The following PACS2 variants were observed in gnomAD, a reference collection of about 807,000 sequenced individuals.
PACS2 encodes the protein PACS1-like protein.
A neutral mutation model predicts 113.0 loss-of-function variants in PACS2; 36 were observed. The observed-to-expected ratio is 0.32, with a 90% confidence interval of 0.24 to 0.42. The LOEUF is 0.42. Among genes scored for constraint, PACS2 ranks in the 10% least tolerant of loss-of-function variants. The pLI is 1.00. For synonymous variants in PACS2, 589 were observed against 536.1 expected (o/e 1.10, Z -1.36); for missense variants, 1,015 against 1,239.5 (o/e 0.82, Z 2.72).
rs150226195 is a variant in PACS2, at chr14:105,308,339, A to T, written c.-83+7360A>T. Among the ~76,000 whole-genome samples, 13 of 151,968 alleles carry T rather than the reference A, an allele frequency of 8.6e-5. No individual in the cohort carries two copies. The East Asian group carries it at 2.3e-3, about 27-fold the overall frequency. ...TCTAACAAAAATACAAAAATTAGCC[A>T]GGTGTGGTGGTACATGCCTGTGGTC... On this transcript the variant is annotated intron_variant, in intron 1 of 23. Transcript: ENST00000430725.
rs756086541 is a variant in PACS2, at chr14:105,315,989, C to G, written c.119+952C>G. Among the ~76,000 whole-genome samples the G allele has an allele frequency of 6.6e-6, 1 of 152,214 alleles. No individual in the cohort carries two copies. Among genetic ancestry groups the G allele is most frequent in the East Asian group, 1.9e-4 (1 of 5,198 alleles). ...GCCAGTATGCCTGGAGGGGACCCCACGTGGCATTGAGTTGTTCCACCCCTA... is the reference window on the plus strand; with the variant it reads ...GCCAGTATGCCTGGAGGGGACCCCAGGTGGCATTGAGTTGTTCCACCCCTA... On this transcript the variant is annotated intron_variant, in intron 1 of 24. Coordinates refer to ENST00000447393, the MANE Select transcript of PACS2 (RefSeq NM_001100913.3). This position sits in a 1 kb window ranked among gnomAD's most constrained non-coding sequence, Gnocchi z 4.4.
intron 22 of PACS2, chr14:105,392,216 C>T: frequency 3.1e-6 from 1 of 326,852 alleles, no homozygotes; most frequent in Non-Finnish European, 5.7e-6. Context: ...GCCCTGAGGC[C>T]AGGCGTGGTG....
At position 105,355,883 on chromosome 14, in the gene PACS2, G is replaced by A. The variant is rs1555405254; in HGVS notation, c.423+706G>A. ...GCTGCAAGATTGGCTCTGGGAGAAGGGGCAGCCCAGGGCCCCAGACCAGTT... is the reference window on the plus strand; with the variant it reads ...GCTGCAAGATTGGCTCTGGGAGAAGAGGCAGCCCAGGGCCCCAGACCAGTT... On this transcript the variant is annotated intron_variant, in intron 4 of 24. Transcript: ENST00000447393. This position sits in a 1 kb window ranked among gnomAD's most constrained non-coding sequence, Gnocchi z 4.1. Among the ~76,000 whole-genome samples the A allele has an allele frequency of 1.3e-5, 2 of 152,146 alleles. No individual in the cohort carries two copies. Among genetic ancestry groups the A allele is most frequent in the Non-Finnish European group, 2.9e-5 (2 of 68,008 alleles).
chr14:105,336,836 A>G (rs2059540995), intron 1 of PACS2, among the ~76,000 whole-genome samples: 1 of 152,148 alleles, frequency 6.6e-6, no homozygotes, highest in Admixed American at 6.5e-5. Context: ...GGGAAATGAG[A>G]CAGAGTTACC....
intron 5 of PACS2, among the ~76,000 whole-genome samples, 157 bp from the exon 6 acceptor site, chr14:105,367,917 C>T (rs1460070528): frequency 1.3e-5 from 2 of 152,192 alleles, no homozygotes; most frequent in Non-Finnish European, 2.9e-5. Context: ...CTCGGGGGCT[C>T]GGGGCCACGG....
intron 14 of PACS2, 103 bp from the exon 15 acceptor site, chr14:105,382,704 G>A (rs1555412367): frequency 3.2e-6 from 3 of 943,660 alleles, no homozygotes; most frequent in African/African-American, 1.6e-5. Flanking sequence ...TTGCCTGGAC[G>A]TGCCTGGGGT....
chr14:105,364,973 C>T (rs1342062332), intron 4 of PACS2, among the ~76,000 whole-genome samples: 2 of 152,218 alleles, frequency 1.3e-5, no homozygotes, highest in African/African-American at 4.8e-5. Context: ...GTTAGGATTA[C>T]AGGCGTGAAC....
chr14:105,316,288 G>A (rs1282517279), intron 1 of PACS2, among the ~76,000 whole-genome samples: 1 of 152,368 alleles, frequency 6.6e-6, no homozygotes, highest in Non-Finnish European at 1.5e-5. Flanking sequence ...CACTGCAGAT[G>A]TGCCTGCTTG....
At position 105,315,084 on chromosome 14, in the gene PACS2, G is replaced by A; in HGVS notation, c.119+47G>A. 2 of 1,072,622 alleles carry A rather than the reference G, an allele frequency of 1.9e-6. No individual in the cohort carries two copies. The highest frequency in any genetic ancestry group is 3.3e-5 in the South Asian group (1 of 30,344). 66.4% of individuals were successfully genotyped at this position (1,072,622 alleles called of 1,614,324 possible). A position where few individuals can be genotyped will look rare whatever the true frequency, so the allele number is the denominator to read the frequency against. On this transcript the variant is annotated intron_variant, in intron 1 of 24. Transcript: ENST00000447393. The surrounding 1 kb of genome is among the most constrained non-coding windows in gnomAD (Gnocchi z 4.4). Reference sequence around the variant, plus strand: ...TTGTTCCCGCCGGGCACCTGCTGGGGGTGTCCTGGCCGCGGCCTCTGCGCG... The same window carrying A: ...TTGTTCCCGCCGGGCACCTGCTGGGAGTGTCCTGGCCGCGGCCTCTGCGCG...
intron 20 of PACS2, 82 bp from the exon 21 acceptor site, chr14:105,391,125 G>A: frequency 9.6e-7 from 1 of 1,043,706 alleles, no homozygotes; most frequent in Non-Finnish European, 1.5e-6. Flanking sequence ...TGGCCACGGT[G>A]GGGAGGCGGG....
intron 1 of PACS2, among the ~76,000 whole-genome samples, chr14:105,334,128 C>G (rs587642842): frequency 6.6e-6 from 1 of 152,228 alleles, no homozygotes; most frequent in African/African-American, 2.4e-5. Context: ...CTTGGCGTGA[C>G]TGCCCACAGG....
At chr14:105,391,174 G>T (rs371828886) in intron 20 of PACS2, 33 bp from the exon 21 acceptor site, 32 of 1,589,184 alleles carry the variant, frequency 2.0e-5, no homozygotes, top group Non-Finnish European at 2.7e-5. Flanking sequence ...TGAATTGCAC[G>T]GCTTTCACCA....
intron 7 of PACS2, among the ~76,000 whole-genome samples, chr14:105,369,206 G>C (rs1470348315): frequency 6.6e-6 from 1 of 152,246 alleles, no homozygotes; most frequent in South Asian, 2.1e-4. Flanking sequence ...CCAGGGACGG[G>C]CAAGCTGCTC....
Position 105,376,319 on chromosome 14 carries a change from C to T in PACS2, c.802-449C>T, listed in dbSNP as rs949064348. ...CACATGATTCCTTTTGGGTAGCACT[C>T]GGGAAAGGGCAGAATGTACAGGAAC... On this transcript the variant is annotated intron_variant, in intron 8 of 24. Transcript: ENST00000447393. This position sits in a 1 kb window ranked among gnomAD's most constrained non-coding sequence, Gnocchi z 4.7. Among the ~76,000 whole-genome samples the T allele has an allele frequency of 4.6e-5, 7 of 151,762 alleles. No homozygotes were observed. Among genetic ancestry groups the T allele is most frequent in the African/African-American group, 1.7e-4 (7 of 41,242 alleles).
At chr14:105,314,018 C>T (rs2058434340), upstream of PACS2, among the ~76,000 whole-genome samples, 1 of 152,272 alleles carries the variant, frequency 6.6e-6, no homozygotes, top group South Asian at 2.1e-4. Flanking sequence ...AAAAGCGGCG[C>T]TGAATAAGGA....
rs782081321 is a variant in PACS2, at chr14:105,376,779, G to T, written c.813G>T (p.Ser271=). The T allele has an allele frequency of 2.5e-6, 4 of 1,612,574 alleles. No individual in the cohort carries two copies. Among genetic ancestry groups the T allele is most frequent in the African/African-American group, 1.3e-5 (1 of 74,896 alleles). The part of the protein sequence containing the change: ...RFKVSDEVLD[S]EQDPAEHIPE... ...TGGCACCCGTGCAGGTCCTGGACTC[G>T]GAGCAGGACCCTGCGGAGCACATCC... is the stretch of plus-strand genomic sequence containing the variant. The change falls in exon 9 of 25, where the codon TCG becomes TCT. Residue 271 remains serine, a synonymous_variant. Coordinates refer to ENST00000447393, the MANE Select transcript of PACS2 (RefSeq NM_001100913.3). The surrounding 1 kb of genome is among the most constrained non-coding windows in gnomAD (Gnocchi z 4.7).
chr14:105,345,963 A>T (rs902855878), intron 1 of PACS2, among the ~76,000 whole-genome samples: 2 of 152,200 alleles, frequency 1.3e-5, no homozygotes, highest in African/African-American at 4.8e-5. Context: ...ACTCTGACTT[A>T]ATGCCTGACT....
intron 1 of PACS2, among the ~76,000 whole-genome samples, chr14:105,326,622 A>G (rs7144362): frequency 0.11 from 17,348 of 152,238 alleles, 3,353 homozygotes; most frequent in African/African-American, 0.39. Context: ...GTGCCACCCA[A>G]GTGTCAGGTC....
At position 105,394,567 on chromosome 14, in the gene PACS2, C is replaced by T. The variant is rs201761849; in HGVS notation, c.2610C>T (p.Gly870=). The change falls in exon 25 of 25, where the codon GGC becomes GGT. Residue 870 remains glycine (G), a synonymous_variant. Transcript: ENST00000447393. The part of the protein sequence containing the change: ...QQNMLRVLID[G]VECSDVKFFQ... The stretch of plus-strand genomic sequence containing the variant: ...CCTCTCCCACAGTCCTCATCGACGG[C>T]GTGGAGTGCAGCGACGTCAAGTTCT... 308 of 1,612,868 alleles carry T rather than the reference C, an allele frequency of 1.9e-4. 1 individual carries two copies. The East Asian group carries it at 4.5e-3, about 23-fold the overall frequency.
Sources: gnomAD v4.1 joint callset for allele counts (sites outside exome capture counted in the v4.1 genomes callset) on GRCh38, gnomAD v4.1.1 for gene constraint, Gnocchi (gnomAD v3.1) non-coding constraint, MANE v1.5 for transcripts, NCBI Gene and HGNC (gene_info 2026-07-23, HGNC 2026-07-21) for gene names.